The following WDR1 variants were observed in gnomAD, a reference collection of about 807,000 sequenced individuals.
WDR1 encodes the protein WD repeat domain 1.
In WDR1, 21 loss-of-function variants were observed where a neutral mutation model predicts 71.9. The ratio of observed to expected loss-of-function variants is 0.29; its 90% confidence interval spans 0.21 to 0.42. WDR1 has a LOEUF of 0.42. WDR1 is among the 10% of genes least tolerant of loss of function. The pLI is 1.00. For missense variants in WDR1, 696 were observed against 824.5 expected (o/e 0.84, Z 1.91); for synonymous variants, 424 against 347.4 (o/e 1.22, Z -2.45).
chr4:10,086,074 G>A (rs958024049), intron 8 of WDR1, among the ~76,000 whole-genome samples: 3 of 152,220 alleles, frequency 2.0e-5, no homozygotes, highest in African/African-American at 7.2e-5. Flanking sequence ...CAGACCTGAG[G>A]GCTGACACCT....
intron 2 of WDR1, among the ~76,000 whole-genome samples, chr4:10,109,146 G>A (rs897029335): frequency 6.6e-6 from 1 of 152,248 alleles, no homozygotes; most frequent in African/African-American, 2.4e-5. Context: ...CTGTAAGGAA[G>A]GTAACCTCAT....
intron 5 of WDR1, among the ~76,000 whole-genome samples, chr4:10,093,958 G>A (rs891209847): frequency 1.3e-5 from 2 of 152,240 alleles, no homozygotes; most frequent in African/African-American, 4.8e-5. Flanking sequence ...AGCACTTCCG[G>A]TAACAGCCAC....
chr4:10,080,712 G>A (rs757302333), intron 11 of WDR1, among the ~76,000 whole-genome samples: 5 of 152,232 alleles, frequency 3.3e-5, no homozygotes, highest in Admixed American at 6.5e-5. Context: ...AGTGGGTCAG[G>A]CTTGGGTCTC....
chr4:10,089,179 G>C (rs1405876506), intron 5 of WDR1, among the ~76,000 whole-genome samples: 1 of 152,196 alleles, frequency 6.6e-6, no homozygotes, highest in Non-Finnish European at 1.5e-5. Flanking sequence ...CACAATCTCT[G>C]CTCACTACAA....
intron 7 of WDR1, 154 bp downstream of exon 7, chr4:10,088,139 C>T (rs2241480): frequency 0.31 from 276,143 of 900,388 alleles, 44,245 homozygotes; most frequent in East Asian, 0.53. Context: ...CACCTTATTG[C>T]GACCTTAAAG....
intron 4 of WDR1, among the ~76,000 whole-genome samples, chr4:10,098,123 G>C (rs1712466303): frequency 6.6e-6 from 1 of 152,116 alleles, no homozygotes; most frequent in African/African-American, 2.4e-5. Context: ...CCTTCGGGAA[G>C]GGGATGCATG....
At chr4:10,092,779 G>C (rs1046480065) in intron 5 of WDR1, 17 of 311,424 alleles carry the variant, frequency 5.5e-5, no homozygotes, top group Non-Finnish European at 2.0e-5. Flanking sequence ...AGAGGGAGAG[G>C]GATTGGGGAA....
chr4:10,115,342 G>A (rs996075218), intron 2 of WDR1, among the ~76,000 whole-genome samples: 1 of 152,230 alleles, frequency 6.6e-6, no homozygotes, highest in Non-Finnish European at 1.5e-5. Context: ...GATTTCCCAA[G>A]GAGCTGGCTC....
At chr4:10,082,918 G>C in intron 10 of WDR1, 104 bp downstream of exon 10, 1 of 1,414,120 alleles carries the variant, frequency 7.1e-7, no homozygotes, top group Middle Eastern at 2.6e-4. Flanking sequence ...AGAGATGAAA[G>C]GAGCAAGTGA....
At chr4:10,104,767 G>T (rs1340306360) in intron 2 of WDR1, among the ~76,000 whole-genome samples, 3 of 152,168 alleles carry the variant, frequency 2.0e-5, no homozygotes. Context: ...TTTCAGGAGG[G>T]AATAAAGACA....
chr4:10,098,621 C>T (rs1712503430), intron 4 of WDR1, among the ~76,000 whole-genome samples: 1 of 152,238 alleles, frequency 6.6e-6, no homozygotes, highest in Non-Finnish European at 1.5e-5. Context: ...AGAAACAGTT[C>T]AGCCTCCCTG....
chr4:10,083,159 C>A lies in WDR1; in HGVS notation c.1059G>T (p.Thr353=), dbSNP rs751403224. Residue 353 remains threonine (T), a synonymous_variant, in exon 10 of 15, where the codon ACG becomes ACT. Coordinates refer to ENST00000499869, the MANE Select transcript of WDR1 (RefSeq NM_017491.5). ...DGHINYWDSE[T]GENDSFAGKG... is the part of the protein sequence containing the mutation. ...TCCCAGCGAAGGAGTCGTTCTCCCC[C>A]GTCTCTGAATCCCAGTAATGTAGGG... 28 of 1,613,634 alleles carry A rather than the reference C, an allele frequency of 1.7e-5. No homozygotes were observed. In the African/African-American group the frequency reaches 2.0e-4, roughly 12 times the overall value.
At position 10,074,527 on chromosome 4, in the gene WDR1, T is replaced by G. The variant is rs1764722230; in HGVS notation, c.*851A>C. On this transcript the variant is annotated 3_prime_UTR_variant, in exon 15 of 15. Coordinates refer to ENST00000499869, the MANE Select transcript of WDR1 (RefSeq NM_017491.5). ...TCTGCACTGAAAAAGAAAAGGAAGG[T>G]AAAAACAATGACAGATTAGTTTACA... 6.6e-6 allele frequency: 1 copy of G among 152,574 alleles called. No homozygotes were observed. The highest frequency in any genetic ancestry group is 1.5e-5 in the Non-Finnish European group (1 of 68,018). The allele number at this position is 152,574 out of a possible 1,614,324, so 9.5% of individuals were successfully genotyped here.
chr4:10,109,948 A>G (rs11723742), intron 2 of WDR1, among the ~76,000 whole-genome samples: 30,559 of 152,202 alleles, frequency 0.2, 3,207 homozygotes, highest in Middle Eastern at 0.27. Context: ...TAAATCTTAC[A>G]CTGATCCCAT....
chr4:10,080,291 C>T lies in WDR1; in HGVS notation c.1284+1066G>A, dbSNP rs577667730. ...GGGCACGCTGCCCTAGGCCTCATCC[C>T]CTCACCCACAAAGCCCCATGTGCAG... is the stretch of plus-strand genomic sequence containing the variant. On this transcript the variant is annotated intron_variant, in intron 11 of 14. Coordinates refer to ENST00000499869, the MANE Select transcript of WDR1 (RefSeq NM_017491.5). Among the ~76,000 whole-genome samples, 22 of 152,186 alleles carry T rather than the reference C, an allele frequency of 1.4e-4. 1 individual carries two copies. Among genetic ancestry groups the T allele is most frequent in the Non-Finnish European group, 2.1e-4 (14 of 68,036 alleles).
rs143744966 is a variant in WDR1 at position 10,104,230 on chromosome 4, AT to A, written c.139-245del. On this transcript the variant is annotated intron_variant, in intron 2 of 14. Coordinates refer to ENST00000499869, the MANE Select transcript of WDR1 (RefSeq NM_017491.5). ...TAGTCTATGACTGTACAACAAGGTG[AT>A]TTTTTTCCTTTTCTGCTTTTCTGTA... is the stretch of plus-strand genomic sequence containing the variant. Among the ~76,000 whole-genome samples the A allele has an allele frequency of 5.1e-3, 783 of 152,288 alleles. 9 individuals carry two copies. The highest frequency in any genetic ancestry group is 0.018 in the African/African-American group (735 of 41,556).
At chr4:10,115,828 G>C in intron 2 of WDR1, 1 of 382,148 alleles carries the variant, frequency 2.6e-6, no homozygotes, top group Non-Finnish European at 4.9e-6. Context: ...GCCTGACCGT[G>C]CTTAGCTTCC....
At chr4:10,078,481 G>C (rs1027523835) in intron 12 of WDR1, 1 of 187,878 alleles carries the variant, frequency 5.3e-6, no homozygotes, top group African/African-American at 2.3e-5. Context: ...GGAAACTTCT[G>C]TCACTCTTCC....
chr4:10,084,620 T>C (rs1765139606), intron 8 of WDR1, 90 bp from the exon 9 acceptor site: 1 of 1,259,274 alleles, frequency 7.9e-7, no homozygotes, highest in Admixed American at 1.9e-5. Flanking sequence ...TTCTGGGTAA[T>C]GGAGGGGGCA....
Sources: allele counts gnomAD v4.1 joint callset (sites outside exome capture counted in the v4.1 genomes callset), GRCh38; gene constraint gnomAD v4.1.1; transcripts MANE v1.5; gene names NCBI Gene and HGNC (gene_info 2026-07-23, HGNC 2026-07-21).